MTHFD2L: variants seen among roughly 807,000 people sequenced by gnomAD.
MTHFD2L encodes the protein methylenetetrahydrofolate dehydrogenase (NADP+ dependent) 2 like.
Under a neutral mutation model 34.9 loss-of-function variants are expected in MTHFD2L, and 29 were observed. That is an observed-to-expected ratio of 0.83 (90% CI 0.62 to 1.13). The LOEUF (loss-of-function observed/expected upper bound fraction) is 1.13. Ranked by LOEUF, MTHFD2L falls within the 50% of genes most tolerant of loss-of-function variation. The pLI is 0.00. For missense variants in MTHFD2L, 481 were observed against 446.5 expected, an observed-to-expected ratio of 1.08 and a Z score of -0.70; for synonymous variants, 167 against 155.7, an observed-to-expected ratio of 1.07 and a Z score of -0.54.
intron 6 of MTHFD2L, among the ~76,000 whole-genome samples, chr4:74,264,003 C>T (rs1330730567): frequency 6.6e-6 from 1 of 152,024 alleles, no homozygotes; most frequent in Non-Finnish European, 1.5e-5. Flanking sequence ...CAAGATCTAT[C>T]ATCCATTCCT....
upstream of MTHFD2L, among the ~76,000 whole-genome samples, chr4:74,155,594 T>C (rs1724186916): frequency 1.3e-5 from 2 of 152,068 alleles, no homozygotes; most frequent in Admixed American, 6.5e-5. Context: ...AAATCTGTCC[T>C]GAAAGCATGT....
chr4:74,125,660 T>C (rs1167949713), intron 1 of MTHFD2L: 1 of 151,914 alleles, frequency 6.6e-6, no homozygotes, highest in African/African-American at 2.4e-5. Flanking sequence ...ATTTAAAAGC[T>C]TTTTTTTCAA....
rs1027687011 is a variant in MTHFD2L at position 74,302,975 on chromosome 4, C to T, written c.*1166C>T. 1 of 152,004 alleles carries T rather than the reference C, an allele frequency of 6.6e-6. No homozygotes were observed. The highest frequency in any genetic ancestry group is 1.5e-5 in the Non-Finnish European group (1 of 67,966). The allele number at this position is 152,004 out of a possible 1,614,324, so 9.4% of individuals were successfully genotyped here. On this transcript the variant is annotated 3_prime_UTR_variant, in exon 8 of 8. Transcript: ENST00000325278. ...CCCAAATCCCAGTATGTTTATGTAC[C>T]AATAATGACTCTTACCCAGCGCATG...
chr4:74,198,328 G>T (rs1487482395), intron 3 of MTHFD2L, among the ~76,000 whole-genome samples: 2 of 152,116 alleles, frequency 1.3e-5, no homozygotes, highest in Non-Finnish European at 2.9e-5. Flanking sequence ...GTGTAATTGA[G>T]GCTTATTGTT....
intron 1 of MTHFD2L, among the ~76,000 whole-genome samples, chr4:74,167,833 G>T (rs1433201130): frequency 6.6e-6 from 1 of 152,124 alleles, no homozygotes; most frequent in Non-Finnish European, 1.5e-5. Context: ...AACCCATAGG[G>T]GATTGGGATT....
upstream of MTHFD2L, among the ~76,000 whole-genome samples, chr4:74,155,582 G>T (rs1343734643): frequency 6.6e-6 from 1 of 151,896 alleles, no homozygotes; most frequent in Admixed American, 6.6e-5. Flanking sequence ...AAAGTAATAG[G>T]CAAATCTGTC....
intron 2 of MTHFD2L, among the ~76,000 whole-genome samples, chr4:74,117,763 G>A (rs965996726): frequency 1.3e-5 from 2 of 152,164 alleles, no homozygotes; most frequent in Non-Finnish European, 2.9e-5. Flanking sequence ...TAAACACTCT[G>A]TGGTTCTGAG....
Position 74,127,739 on chromosome 4 carries a change from G to A in MTHFD2L, c.-297+2222G>A, listed in dbSNP as rs190838396. Among the ~76,000 whole-genome samples the A allele has an allele frequency of 7.6e-4, 116 of 152,142 alleles. No individual in the cohort carries two copies. In the East Asian group the frequency reaches 0.018, roughly 24 times the overall value. ...ATTGCAGATACCTCTTTGATATACC[G>A]ATTTTCTTTCTTTTGGATATATACC... On this transcript the variant is annotated intron_variant, in intron 1 of 7. Coordinates refer to the MTHFD2L transcript ENST00000433372.
At chr4:74,121,426 T>C (rs1351920643), upstream of MTHFD2L, among the ~76,000 whole-genome samples, 1 of 151,540 alleles carries the variant, frequency 6.6e-6, no homozygotes, top group Non-Finnish European at 1.5e-5. Context: ...TAGGGTTTTC[T>C]GCAGCGACAG....
chr4:74,155,181 T>C (rs1197612993), upstream of MTHFD2L, among the ~76,000 whole-genome samples: 3 of 152,214 alleles, frequency 2.0e-5, no homozygotes, highest in East Asian at 5.8e-4. Flanking sequence ...TCCAGTTATT[T>C]AGGTCAGCAC....
chr4:74,145,384 A>C (rs936264527), intron 1 of MTHFD2L, among the ~76,000 whole-genome samples: 8 of 152,156 alleles, frequency 5.3e-5, no homozygotes, highest in Non-Finnish European at 1.0e-4. Flanking sequence ...CAAATACTTC[A>C]CCATTTTATA....
chr4:74,118,157 A>G (rs1721687857), intron 2 of MTHFD2L, among the ~76,000 whole-genome samples: 1 of 152,220 alleles, frequency 6.6e-6, no homozygotes. Context: ...TAATGAACAA[A>G]TAATTAAGCT....
intron 1 of MTHFD2L, among the ~76,000 whole-genome samples, chr4:74,151,955 G>T (rs1017160772): frequency 2.0e-5 from 3 of 152,020 alleles, no homozygotes; most frequent in African/African-American, 4.8e-5. Context: ...ATTAGGAAAG[G>T]TTATTGAATT....
chr4:74,130,902 A>G (rs906261277), intron 1 of MTHFD2L, among the ~76,000 whole-genome samples: 1 of 152,200 alleles, frequency 6.6e-6, no homozygotes. Flanking sequence ...TCAGGATACA[A>G]AATCAATGTG....
chr4:74,233,333 T>G (rs1439516526), intron 6 of MTHFD2L, among the ~76,000 whole-genome samples: 1 of 152,112 alleles, frequency 6.6e-6, no homozygotes, highest in East Asian at 1.9e-4. Context: ...AGAAACGTGG[T>G]CTTTAAAGTA....
At chr4:74,168,457 C>T (rs957621173) in intron 1 of MTHFD2L, among the ~76,000 whole-genome samples, 1 of 152,182 alleles carries the variant, frequency 6.6e-6, no homozygotes, top group East Asian at 1.9e-4. Context: ...ATATCTTAAC[C>T]CACCTATGTA....
intron 6 of MTHFD2L, among the ~76,000 whole-genome samples, chr4:74,227,013 G>C (rs2110127344): frequency 6.6e-6 from 1 of 152,242 alleles, no homozygotes; most frequent in African/African-American, 2.4e-5. Context: ...TTCTCCATTT[G>C]TCCACCAGCC....
chr4:74,264,897 C>G (rs900220797), intron 6 of MTHFD2L, among the ~76,000 whole-genome samples: 7 of 151,978 alleles, frequency 4.6e-5, no homozygotes, highest in Non-Finnish European at 1.0e-4. Flanking sequence ...TTCTTGTGTA[C>G]AGTGATTTGA....
Position 74,301,846 on chromosome 4 carries a change from A to G in MTHFD2L, c.*37A>G, listed in dbSNP as rs1394718768. On this transcript the variant is annotated 3_prime_UTR_variant, in exon 8 of 8. Transcript: ENST00000325278. The stretch of plus-strand genomic sequence containing the variant: ...GGATAAAGCAAACTGAAGTCATGCT[A>G]TTTGTTTATTTGACAAAGGGTAAAA... 1 of 1,292,320 alleles carries G rather than the reference A, an allele frequency of 7.7e-7. No homozygotes were observed. Among genetic ancestry groups the G allele is most frequent in the African/African-American group, 1.5e-5 (1 of 67,240 alleles). 80.1% of individuals were successfully genotyped at this position (1,292,320 alleles called of 1,614,324 possible). A position where few individuals can be genotyped will look rare whatever the true frequency, so the allele number is the denominator to read the frequency against.
Sources: gnomAD v4.1 joint callset for allele counts (sites outside exome capture counted in the v4.1 genomes callset) on GRCh38, gnomAD v4.1.1 for gene constraint, MANE v1.5 for transcripts, NCBI Gene and HGNC (gene_info 2026-07-23, HGNC 2026-07-21) for gene names.